SLC39A12: variants seen among roughly 807,000 people sequenced by gnomAD.
SLC39A12 encodes the protein zinc transporter ZIP12.
Under a neutral mutation model 71.1 loss-of-function variants are expected in SLC39A12, and 63 were observed. The ratio of observed to expected loss-of-function variants is 0.89; its 90% CI spans 0.72 to 1.09. SLC39A12 has a LOEUF of 1.09. Ranked by LOEUF, SLC39A12 falls within the 50% of genes least tolerant of loss-of-function variation. The pLI is 0.00. For synonymous variants in SLC39A12, 351 were observed against 301.3 expected (o/e 1.16, Z -1.71); for missense variants, 892 against 812.6 (o/e 1.10, Z -1.19).
intron 2 of SLC39A12, among the ~76,000 whole-genome samples, chr10:17,957,953 A>T (rs556665408): frequency 1.3e-5 from 2 of 152,338 alleles, no homozygotes; most frequent in South Asian, 4.1e-4. Flanking sequence ...GTGATGCAAC[A>T]CGTGTTCATT....
chr10:18,041,623 GTATATA>G (rs1159636800), intron 12 of SLC39A12, among the ~76,000 whole-genome samples: 12 of 118,082 alleles, frequency 1.0e-4, no homozygotes, highest in African/African-American at 4.1e-4. Flanking sequence ...ATATACATAT[GTATATA>G]TGTGTATATA....
intron 3 of SLC39A12, among the ~76,000 whole-genome samples, chr10:17,964,052 T>C (rs139914218): frequency 0.013 from 1,916 of 152,326 alleles, 31 homozygotes; most frequent in African/African-American, 0.04. Flanking sequence ...CTCTCCCTAG[T>C]GTTCCCGTAG....
At chr10:17,960,535 C>T (rs1254561669) in intron 2 of SLC39A12, among the ~76,000 whole-genome samples, 1 of 152,142 alleles carries the variant, frequency 6.6e-6, no homozygotes, top group East Asian at 1.9e-4. Flanking sequence ...TCTTAAGTGC[C>T]AGGTATTGTG....
At chr10:17,952,933 T>A (rs1270424476) in intron 1 of SLC39A12, among the ~76,000 whole-genome samples, 2 of 152,218 alleles carry the variant, frequency 1.3e-5, no homozygotes, top group African/African-American at 2.4e-5. Context: ...GTACCACCTG[T>A]TGGTAAATGG....
chr10:17,983,725 T>C (rs1835330473), intron 6 of SLC39A12, among the ~76,000 whole-genome samples: 1 of 151,902 alleles, frequency 6.6e-6, no homozygotes, highest in Non-Finnish European at 1.5e-5. Flanking sequence ...GAGGTTGCAG[T>C]GAGCCAAGAT....
intron 4 of SLC39A12, among the ~76,000 whole-genome samples, chr10:17,972,479 A>G (rs1835000001): frequency 6.6e-6 from 1 of 152,164 alleles, no homozygotes. Flanking sequence ...GTCTCTCTGT[A>G]GCTCTAACAA....
intron 2 of SLC39A12, among the ~76,000 whole-genome samples, chr10:17,955,876 G>A (rs978204124): frequency 1.3e-5 from 2 of 152,136 alleles, no homozygotes; most frequent in African/African-American, 4.8e-5. Flanking sequence ...AACATCGTGA[G>A]AGATTAAATA....
chr10:18,041,662 T>C (rs191780882), intron 12 of SLC39A12, among the ~76,000 whole-genome samples: 5 of 90,756 alleles, frequency 5.5e-5, no homozygotes, highest in African/African-American at 2.0e-4. Flanking sequence ...TATGTATATA[T>C]GTGTATATAT....
At chr10:18,025,138 T>C (rs2357782) in intron 12 of SLC39A12, among the ~76,000 whole-genome samples, 116,107 of 152,090 alleles carry the variant, frequency 0.76, 45,190 homozygotes, top group African/African-American at 0.9. Context: ...TATTCATTAC[T>C]TTTGTTCTCT....
At chr10:17,958,030 G>A (rs1451330200) in intron 2 of SLC39A12, among the ~76,000 whole-genome samples, 2 of 152,142 alleles carry the variant, frequency 1.3e-5, no homozygotes, top group Non-Finnish European at 2.9e-5. Context: ...GCTTTCCAAA[G>A]CCAGAAACCA....
intron 4 of SLC39A12, among the ~76,000 whole-genome samples, chr10:17,973,164 T>C (rs1252145616): frequency 2.6e-5 from 4 of 152,290 alleles, no homozygotes; most frequent in Admixed American, 2.6e-4. Flanking sequence ...TTAAACTTTT[T>C]GTTGTTTCTA....
At chr10:17,961,540 A>G in intron 2 of SLC39A12, 41 bp from the exon 3 acceptor site, 1 of 1,562,098 alleles carries the variant, frequency 6.4e-7, no homozygotes, top group Non-Finnish European at 8.6e-7. Context: ...TATTTTGCTA[A>G]GCTTTGTTTC....
At chr10:18,028,868 T>C (rs1167388645) in intron 12 of SLC39A12, among the ~76,000 whole-genome samples, 2 of 151,986 alleles carry the variant, frequency 1.3e-5, no homozygotes, top group African/African-American at 4.8e-5. Context: ...TATAGGCACC[T>C]GCCACCACAC....
intron 8 of SLC39A12, among the ~76,000 whole-genome samples, chr10:17,991,920 C>T (rs1835558666): frequency 6.6e-6 from 1 of 151,874 alleles, no homozygotes; most frequent in South Asian, 2.1e-4. Context: ...GAAACGCTGT[C>T]TGTACTGAAA....
intron 2 of SLC39A12, 68 bp from the exon 3 acceptor site, chr10:17,961,513 C>G (rs1408482216): frequency 6.9e-7 from 1 of 1,443,606 alleles, no homozygotes; most frequent in Non-Finnish European, 9.4e-7. Context: ...CCCTGGTGGT[C>G]ATTAGTGTTC....
chr10:18,004,421 G>A (rs1048563105), intron 12 of SLC39A12: 1 of 152,096 alleles, frequency 6.6e-6, no homozygotes, highest in African/African-American at 2.4e-5. Flanking sequence ...GGAAGTAAAA[G>A]AAATATTTCA....
intron 12 of SLC39A12, 108 bp downstream of exon 12, chr10:18,003,466 T>C: frequency 3.0e-6 from 3 of 983,876 alleles, no homozygotes; most frequent in Non-Finnish European, 4.4e-6. Flanking sequence ...GAAGAATTTA[T>C]AAAACAATAT....
At chr10:18,004,427 T>C (rs887517020) in intron 12 of SLC39A12, 5 of 152,070 alleles carry the variant, frequency 3.3e-5, no homozygotes, top group African/African-American at 7.2e-5. Context: ...AAAAGAAATA[T>C]TTCATGAGGA....
chr10:18,024,450 T>A (rs1391304284), intron 12 of SLC39A12, among the ~76,000 whole-genome samples: 1 of 152,136 alleles, frequency 6.6e-6, no homozygotes, highest in Non-Finnish European at 1.5e-5. Context: ...TCACTTAATG[T>A]TTCCCTTGGT....
Sources: gnomAD v4.1 joint callset for allele counts (sites outside exome capture counted in the v4.1 genomes callset) on GRCh38, gnomAD v4.1.1 for gene constraint, MANE v1.5 for transcripts, NCBI Gene and HGNC (gene_info 2026-07-23, HGNC 2026-07-21) for gene names.